HADH: variants seen among roughly 807,000 people sequenced by gnomAD.
The protein encoded by HADH is hydroxyacyl-CoA dehydrogenase.
A neutral mutation model predicts 32.2 loss-of-function variants in HADH; 24 were observed. That is an observed-to-expected ratio of 0.75 (90% CI 0.54 to 1.05). The LOEUF (loss-of-function observed/expected upper bound fraction) is 1.05. HADH is among the 50% of genes least tolerant of loss of function. The pLI is 0.00. For synonymous variants in HADH, 139 were observed against 152.5 expected (o/e 0.91, Z 0.65); for missense variants, 350 against 397.1 (o/e 0.88, Z 1.01).
chr4:108,008,696 G>C (rs74661818), intron 1 of HADH, among the ~76,000 whole-genome samples: 2 of 152,014 alleles, frequency 1.3e-5, no homozygotes, highest in African/African-American at 4.8e-5. Flanking sequence ...TGGTGTCATC[G>C]AGGTTCCAAA....
rs993207379 is a variant in HADH, at chr4:108,012,045, C to T, written c.261+2158C>T. 2.6e-5 allele frequency among the ~76,000 whole-genome samples: 4 copies of T among 152,118 alleles called. No individual in the cohort carries two copies. In the East Asian group the frequency reaches 7.7e-4, roughly 29 times the overall value. On this transcript the variant is annotated intron_variant, in intron 2 of 7. Transcript: ENST00000309522. ...TAGCTAGGACTATAGATGTGAGCCA[C>T]CACACCCAGCTAATTAAAAAAAAAA... is the stretch of plus-strand genomic sequence containing the variant.
intron 1 of HADH, 135 bp downstream of exon 1, chr4:107,990,199 G>T: frequency 1.1e-6 from 1 of 909,712 alleles, no homozygotes; most frequent in Non-Finnish European, 1.6e-6. Flanking sequence ...CCCGGGTGTA[G>T]TTGAAATATC....
chr4:108,027,324 C>G, intron 5 of HADH: 14 of 370,466 alleles, frequency 3.8e-5, no homozygotes, highest in South Asian at 3.4e-4. Context: ...CTGTCACCCC[C>G]AGTTCACAGA....
intron 4 of HADH, among the ~76,000 whole-genome samples, chr4:108,021,024 A>G (rs969706519): frequency 1.6e-4 from 25 of 152,222 alleles, no homozygotes; most frequent in Middle Eastern, 6.8e-3. Flanking sequence ...TCTTACTAAC[A>G]TTGCTTCTCA....
intron 1 of HADH, among the ~76,000 whole-genome samples, chr4:107,998,219 T>C (rs930189740): frequency 2.6e-5 from 4 of 152,114 alleles, no homozygotes; most frequent in Non-Finnish European, 4.4e-5. Flanking sequence ...ACAGGGCATA[T>C]GGGGGACATC....
chr4:108,011,032 A>G (rs1450255034), intron 2 of HADH, among the ~76,000 whole-genome samples: 1 of 151,956 alleles, frequency 6.6e-6, no homozygotes, highest in Non-Finnish European at 1.5e-5. Flanking sequence ...TAGTTTTAGT[A>G]GAGATGGGGT....
At chr4:108,028,965 G>T in intron 6 of HADH, 1 of 398,634 alleles carries the variant, frequency 2.5e-6, no homozygotes, top group South Asian at 1.3e-4. Flanking sequence ...GGCTGAAGCT[G>T]GAAGAGCAGG....
intron 2 of HADH, among the ~76,000 whole-genome samples, chr4:108,014,192 A>C: frequency 6.6e-6 from 1 of 152,200 alleles, no homozygotes; most frequent in East Asian, 1.9e-4. Flanking sequence ...CCTTGCTCTA[A>C]TAGGAGCTAG....
At chr4:108,018,105 G>T (rs1261963109) in intron 3 of HADH, among the ~76,000 whole-genome samples, 22 of 152,102 alleles carry the variant, frequency 1.4e-4, no homozygotes. Flanking sequence ...GCAGGTGAAT[G>T]GCCCTTCAAA....
chr4:107,990,001 G>A lies in HADH; in HGVS notation c.69G>A (p.Lys23=), dbSNP rs1284659016. ...SSSSTASASA[K]KIIVKHVTVI... The stretch of plus-strand genomic sequence containing the variant: ...CGTCCACCGCCTCGGCCTCGGCCAA[G>A]AAGATAATCGTCAAGCACGTGACGG... Residue 23 remains lysine, a synonymous_variant, in exon 1 of 8, where the codon AAG becomes AAA. Coordinates refer to ENST00000309522, the MANE Select transcript of HADH (RefSeq NM_005327.7). The A allele has an allele frequency of 1.2e-6, 2 of 1,612,538 alleles. No individual in the cohort carries two copies.
At chr4:107,998,271 C>G (rs1011849912) in intron 1 of HADH, among the ~76,000 whole-genome samples, 2 of 151,854 alleles carry the variant, frequency 1.3e-5, no homozygotes, top group Non-Finnish European at 2.9e-5. Context: ...GGCTTACTAA[C>G]TGGAAATGAT....
chr4:108,034,101 CA>C (rs1736372639), intron 7 of HADH, 137 bp from the exon 8 acceptor site: 2 of 748,186 alleles, frequency 2.7e-6, no homozygotes, highest in African/African-American at 3.4e-5. Flanking sequence ...GGTGCCTCTG[CA>C]GTGGTGGCCG....
chr4:107,991,521 T>C (rs1409689607), intron 1 of HADH, among the ~76,000 whole-genome samples: 1 of 152,132 alleles, frequency 6.6e-6, no homozygotes, highest in Non-Finnish European at 1.5e-5. Context: ...TAATGTTTTA[T>C]TTATATGACT....
intron 3 of HADH, among the ~76,000 whole-genome samples, chr4:108,018,648 A>G (rs1181067546): frequency 6.6e-6 from 1 of 151,852 alleles, no homozygotes; most frequent in African/African-American, 2.4e-5. Flanking sequence ...AGATTATAGT[A>G]TTGCCTGTTA....
chr4:108,028,657 A>G, intron 6 of HADH: 2 of 390,684 alleles, frequency 5.1e-6, no homozygotes. Flanking sequence ...GATCAAACCA[A>G]CAGTTCTGGT....
intron 6 of HADH, chr4:108,028,636 T>A: frequency 5.2e-6 from 2 of 386,006 alleles, no homozygotes; most frequent in Non-Finnish European, 9.1e-6. Context: ...ATTGCCTCAC[T>A]TTTGCTCCAA....
Position 108,034,637 on chromosome 4 carries a change from C to T in HADH, c.*280C>T. ...CTTGGAGCAAACATGTTTTTTGAAC[C>T]TTGTCATTTTTGTGAAGAATTGCCT... On this transcript the variant is annotated 3_prime_UTR_variant, in exon 8 of 8. Transcript: ENST00000309522. The T allele has an allele frequency of 1.0e-5, 4 of 381,950 alleles. No individual in the cohort carries two copies. The highest frequency in any genetic ancestry group is 8.4e-5 in the South Asian group (4 of 47,462). The allele number at this position is 381,950 out of a possible 1,614,324, so 23.7% of individuals were successfully genotyped here. A position where few individuals can be genotyped will look rare whatever the true frequency, so the allele number is the denominator to read the frequency against.
intron 2 of HADH, among the ~76,000 whole-genome samples, chr4:108,012,587 A>C (rs1394947485): frequency 6.6e-6 from 1 of 152,218 alleles, no homozygotes; most frequent in East Asian, 1.9e-4. Flanking sequence ...TGAAAGAGGC[A>C]AAGGCAGATG....
At chr4:108,030,331 T>C (rs907929540) in intron 6 of HADH, 5 of 152,610 alleles carry the variant, frequency 3.3e-5, no homozygotes, top group African/African-American at 1.2e-4. Context: ...CTTGGGTCAC[T>C]TGTCACTGTC....
Sources: gnomAD v4.1 joint callset for allele counts (sites outside exome capture counted in the v4.1 genomes callset) on GRCh38, gnomAD v4.1.1 for gene constraint, MANE v1.5 for transcripts, NCBI Gene and HGNC (gene_info 2026-07-23, HGNC 2026-07-21) for gene names.